Variants in KIF6 observed in about 807,000 individuals in gnomAD.
KIF6 encodes kinesin family member 6.
KIF6 carries 106 observed loss-of-function variants against 112.7 expected under a neutral mutation model. The observed-to-expected ratio is 0.94, with a 90% CI of 0.80 to 1.11. The LOEUF (loss-of-function observed/expected upper bound fraction) is 1.11. Among genes scored for constraint, KIF6 ranks in the 50% least tolerant of loss-of-function variants. The pLI is 0.00. For missense variants in KIF6, 929 were observed against 964.0 expected, an observed-to-expected ratio of 0.96 and a Z score of 0.48; for synonymous variants, 339 against 339.9, an observed-to-expected ratio of 1.00 and a Z score of 0.03.
intron 5 of KIF6, among the ~76,000 whole-genome samples, chr6:39,629,686 T>A (rs982021790): frequency 6.6e-6 from 1 of 152,114 alleles, no homozygotes; most frequent in Non-Finnish European, 1.5e-5. Context: ...AAGTTTTAAT[T>A]TTAATAAAGT....
chr6:39,389,308 C>T (rs1767676414), intron 15 of KIF6, among the ~76,000 whole-genome samples: 2 of 152,172 alleles, frequency 1.3e-5, no homozygotes, highest in African/African-American at 4.8e-5. Context: ...CGCTGCTTGG[C>T]TGGCCTGGAG....
intron 13 of KIF6, among the ~76,000 whole-genome samples, chr6:39,457,598 G>C (rs998395088): frequency 3.0e-4 from 45 of 151,812 alleles, no homozygotes; most frequent in South Asian, 4.2e-4. Context: ...TTTTTGAAAG[G>C]ATCAACAAAA....
At chr6:39,374,399 T>A (rs1430089847) in intron 16 of KIF6, among the ~76,000 whole-genome samples, 1 of 152,146 alleles carries the variant, frequency 6.6e-6, no homozygotes, top group Non-Finnish European at 1.5e-5. Context: ...ACTAAAACGC[T>A]TTTGCACAGC....
rs186876165 is a variant in KIF6, at chr6:39,340,089, A to G, written c.2429-3541T>C. Among the ~76,000 whole-genome samples the G allele has an allele frequency of 2.7e-3, 417 of 152,290 alleles. 1 individual carries two copies. Among genetic ancestry groups the G allele is most frequent in the African/African-American group, 9.7e-3 (402 of 41,560 alleles). ...TGCATATTAAGTGCCACATGGTGGG[A>G]CCAGAACCATCTGCTGTATGTCTGA... On this transcript the variant is annotated intron_variant, in intron 22 of 22. Transcript: ENST00000287152.
chr6:39,468,417 T>C (rs1773925313), intron 13 of KIF6, among the ~76,000 whole-genome samples: 1 of 152,190 alleles, frequency 6.6e-6, no homozygotes, highest in African/African-American at 2.4e-5. Context: ...GATCCAGACC[T>C]AACTACATCA....
chr6:39,557,609 C>T (rs1281916988), intron 10 of KIF6, among the ~76,000 whole-genome samples: 1 of 152,036 alleles, frequency 6.6e-6, no homozygotes, highest in Non-Finnish European at 1.5e-5. Flanking sequence ...AGTCCCATTG[C>T]AGTTTTGTTT....
chr6:39,360,565 T>C, intron 17 of KIF6, 35 bp from the exon 18 acceptor site: 1 of 1,613,646 alleles, frequency 6.2e-7, no homozygotes, highest in South Asian at 1.1e-5. Context: ...AGGGCACTGC[T>C]GTCTTGAAAG....
chr6:39,690,131 A>G (rs1357585100), intron 3 of KIF6: 1 of 152,230 alleles, frequency 6.6e-6, no homozygotes, highest in Admixed American at 6.5e-5. Context: ...AGGATAAACT[A>G]TATAATGTAA....
chr6:39,499,978 G>A (rs1776026509), intron 13 of KIF6, among the ~76,000 whole-genome samples: 1 of 152,196 alleles, frequency 6.6e-6, no homozygotes, highest in South Asian at 2.1e-4. Flanking sequence ...GTTGTAGCTG[G>A]TGAGGTCCTG....
intron 3 of KIF6, among the ~76,000 whole-genome samples, chr6:39,657,324 A>C (rs1785857583): frequency 6.6e-6 from 1 of 152,118 alleles, no homozygotes; most frequent in African/African-American, 2.4e-5. Context: ...GGGTAACTAG[A>C]ATTTTGTAGG....
intron 3 of KIF6, among the ~76,000 whole-genome samples, chr6:39,651,477 C>T (rs1323517699): frequency 6.6e-6 from 1 of 152,136 alleles, no homozygotes; most frequent in Non-Finnish European, 1.5e-5. Flanking sequence ...GAGGAAAATG[C>T]GTTTCCCTAA....
At chr6:39,413,413 T>C (rs1484669856) in intron 15 of KIF6, among the ~76,000 whole-genome samples, 2 of 152,146 alleles carry the variant, frequency 1.3e-5, no homozygotes, top group Non-Finnish European at 2.9e-5. Flanking sequence ...AAAATTTTGT[T>C]CAGTTTATGT....
At chr6:39,647,780 C>T (rs1167946780) in intron 3 of KIF6, among the ~76,000 whole-genome samples, 1 of 150,404 alleles carries the variant, frequency 6.6e-6, no homozygotes, top group Non-Finnish European at 1.5e-5. Flanking sequence ...GATCTCAGCT[C>T]ACTGCAACCT....
At chr6:39,374,116 T>C (rs1411936316) in intron 16 of KIF6, among the ~76,000 whole-genome samples, 1 of 152,182 alleles carries the variant, frequency 6.6e-6, no homozygotes, top group Admixed American at 6.5e-5. Flanking sequence ...GCCAAGATCA[T>C]ACATGGGGAA....
chr6:39,622,131 C>A (rs1225432473), intron 5 of KIF6, among the ~76,000 whole-genome samples: 1 of 150,682 alleles, frequency 6.6e-6, no homozygotes. Flanking sequence ...CACACCACTG[C>A]ACTCCAGCCT....
intron 13 of KIF6, among the ~76,000 whole-genome samples, chr6:39,440,485 C>T (rs1326229121): frequency 6.6e-6 from 1 of 152,068 alleles, no homozygotes; most frequent in African/African-American, 2.4e-5. Context: ...TAAGTGTTGA[C>T]TTGGGTGAAA....
At chr6:39,683,979 A>T (rs1179995556) in intron 3 of KIF6, among the ~76,000 whole-genome samples, 1 of 152,220 alleles carries the variant, frequency 6.6e-6, no homozygotes, top group East Asian at 1.9e-4. Flanking sequence ...TGGATTCAAC[A>T]TTGCCAATTA....
chr6:39,594,901 G>A (rs1490471488), intron 7 of KIF6, among the ~76,000 whole-genome samples: 2 of 151,650 alleles, frequency 1.3e-5, no homozygotes, highest in African/African-American at 4.9e-5. Context: ...TCATCTCACA[G>A]CCCTTATACT....
chr6:39,455,220 C>G (rs1389204945), intron 13 of KIF6, among the ~76,000 whole-genome samples: 2 of 151,896 alleles, frequency 1.3e-5, no homozygotes, highest in African/African-American at 4.8e-5. Flanking sequence ...CCCCTGACCC[C>G]CGAGCAGCCT....
Sources: gnomAD v4.1 joint callset for allele counts (sites outside exome capture counted in the v4.1 genomes callset) on GRCh38, gnomAD v4.1.1 for gene constraint, MANE v1.5 for transcripts, NCBI Gene and HGNC (gene_info 2026-07-23, HGNC 2026-07-21) for gene names.